The following APBA2 variants were observed in gnomAD, a reference collection of about 807,000 sequenced individuals.
APBA2 encodes amyloid beta precursor protein binding family A member 2.
Under a neutral mutation model 75.0 loss-of-function variants are expected in APBA2, and 30 were observed. The ratio of observed to expected loss-of-function variants is 0.40; its 90% CI spans 0.30 to 0.54. APBA2 has a LOEUF of 0.54. Among genes scored for constraint, APBA2 ranks in the 20% least tolerant of loss-of-function variants. The pLI, the probability that APBA2 is intolerant of heterozygous loss-of-function variation, is 0.49. For missense variants in APBA2, 801 were observed against 1,016.1 expected (o/e 0.79, Z 2.88); for synonymous variants, 444 against 409.6 (o/e 1.08, Z -1.01).
At chr15:29,098,404 G>A (rs1055775747) in intron 8 of APBA2, 86 bp from the exon 9 acceptor site, 1 of 889,382 alleles carries the variant, frequency 1.1e-6, no homozygotes, top group Admixed American at 1.8e-5. Flanking sequence ...GATTAGGGAT[G>A]TTGAGCATTT....
intron 2 of APBA2, among the ~76,000 whole-genome samples, chr15:28,967,733 C>A (rs1000448135): frequency 3.3e-5 from 5 of 152,156 alleles, no homozygotes; most frequent in Non-Finnish European, 1.5e-5. Context: ...CCTCCGCGCC[C>A]GGCCCCTTTC....
intron 10 of APBA2, 41 bp from the exon 11 acceptor site, chr15:29,105,338 G>A: frequency 6.3e-7 from 1 of 1,595,608 alleles, no homozygotes; most frequent in Non-Finnish European, 8.5e-7. Context: ...CGGGGAGCCT[G>A]TGCCACGTGC....
chr15:28,954,412 C>T (rs2036054943), intron 2 of APBA2, among the ~76,000 whole-genome samples: 1 of 152,178 alleles, frequency 6.6e-6, no homozygotes, highest in Admixed American at 6.5e-5. Context: ...AAAACTCTAT[C>T]CTGCAAAATC....
chr15:28,953,204 C>T (rs865837806), intron 2 of APBA2, among the ~76,000 whole-genome samples: 1 of 152,160 alleles, frequency 6.6e-6, no homozygotes, highest in Non-Finnish European at 1.5e-5. Context: ...GAATCCTCCT[C>T]TCCTCCCGAG....
intron 3 of APBA2, among the ~76,000 whole-genome samples, chr15:29,040,624 G>A (rs991192926): frequency 2.0e-5 from 3 of 152,194 alleles, no homozygotes; most frequent in Non-Finnish European, 4.4e-5. Flanking sequence ...ATCCCCTAAC[G>A]AAGGGGAACC....
At chr15:29,060,728 A>G (rs149359064) in intron 4 of APBA2, among the ~76,000 whole-genome samples, 14 of 152,306 alleles carry the variant, frequency 9.2e-5, no homozygotes, top group African/African-American at 3.4e-4. Context: ...AAGTCAAGTA[A>G]AGATTGTTCA....
intron 3 of APBA2, among the ~76,000 whole-genome samples, chr15:29,047,174 CTT>C (rs2041377662): frequency 6.6e-6 from 1 of 152,348 alleles, no homozygotes; most frequent in East Asian, 1.9e-4. Flanking sequence ...CAGGCGGGCT[CTT>C]TGTCTTATAC....
intron 2 of APBA2, among the ~76,000 whole-genome samples, chr15:28,983,631 AC>A (rs1224801999): frequency 2.6e-5 from 4 of 152,152 alleles, no homozygotes; most frequent in Non-Finnish European, 5.9e-5. Flanking sequence ...CATGGGCCCC[AC>A]CCACCCACCT....
At chr15:28,979,734 C>T (rs1422766507) in intron 2 of APBA2, among the ~76,000 whole-genome samples, 9 of 152,136 alleles carry the variant, frequency 5.9e-5, no homozygotes, top group Non-Finnish European at 1.2e-4. Context: ...GTGAGATGGA[C>T]CTAGGGCTCT....
At chr15:29,025,352 G>A (rs760106799) in intron 3 of APBA2, among the ~76,000 whole-genome samples, 17 of 149,336 alleles carry the variant, frequency 1.1e-4, no homozygotes, top group Non-Finnish European at 2.1e-4. Context: ...TGCAGTCTCC[G>A]CCACCTGGGT....
At chr15:29,076,379 G>A (rs906338427) in intron 6 of APBA2, among the ~76,000 whole-genome samples, 1 of 151,696 alleles carries the variant, frequency 6.6e-6, no homozygotes, top group Admixed American at 6.6e-5. Flanking sequence ...AGATTGAGAT[G>A]TGTCTTTATA....
rs369850732 is a variant in APBA2, at chr15:29,088,226, G to A, written c.1070-4849G>A. On this transcript the variant is annotated intron_variant, in intron 6 of 14. Transcript: ENST00000683413. The stretch of plus-strand genomic sequence containing the variant: ...CCTTTCTAAGCCCCTTCTTTTCTTG[G>A]TACTTAGCAGAGCAGAGTCCTGGGG... Among the ~76,000 whole-genome samples, 17 of 152,220 alleles carry A rather than the reference G, an allele frequency of 1.1e-4. 1 individual carries two copies. The South Asian group carries it at 2.9e-3, about 26-fold the overall frequency.
At chr15:28,934,804 C>T (rs998164295) in intron 2 of APBA2, among the ~76,000 whole-genome samples, 3 of 152,188 alleles carry the variant, frequency 2.0e-5, no homozygotes, top group Non-Finnish European at 4.4e-5. Flanking sequence ...ATGGGCTGAG[C>T]GGATTTCTGC....
intron 2 of APBA2, among the ~76,000 whole-genome samples, chr15:28,965,222 A>G (rs1188935058): frequency 6.6e-6 from 1 of 152,124 alleles, no homozygotes; most frequent in East Asian, 1.9e-4. Flanking sequence ...CCATTAATTG[A>G]AAAGGCTGTC....
chr15:28,998,075 G>A (rs1269447282), intron 3 of APBA2, among the ~76,000 whole-genome samples: 3 of 152,168 alleles, frequency 2.0e-5, no homozygotes, highest in South Asian at 4.1e-4. Context: ...TGCTGCGAAT[G>A]GAATCATTCT....
At chr15:29,089,020 C>A (rs971744228) in intron 6 of APBA2, among the ~76,000 whole-genome samples, 1 of 152,202 alleles carries the variant, frequency 6.6e-6, no homozygotes, top group Non-Finnish European at 1.5e-5. Flanking sequence ...TAAACAGCAG[C>A]CACCCCCAAA....
intron 3 of APBA2, among the ~76,000 whole-genome samples, chr15:29,049,793 G>A (rs1268957365): frequency 3.9e-5 from 6 of 152,284 alleles, no homozygotes; most frequent in African/African-American, 1.2e-4. Context: ...TGAAAAGTGA[G>A]TTAGTGTTTT....
At chr15:29,091,191 C>T (rs1296486807) in intron 6 of APBA2, among the ~76,000 whole-genome samples, 1 of 152,162 alleles carries the variant, frequency 6.6e-6, no homozygotes, top group Non-Finnish European at 1.5e-5. Flanking sequence ...GGTTTATCGG[C>T]TCCAGGGCAA....
intron 3 of APBA2, among the ~76,000 whole-genome samples, chr15:29,047,268 C>T (rs1208897952): frequency 6.6e-6 from 1 of 152,176 alleles, no homozygotes; most frequent in Non-Finnish European, 1.5e-5. Flanking sequence ...CTGTGGGTCC[C>T]TTACCCTTTG....
Sources: gnomAD v4.1 joint callset for allele counts (sites outside exome capture counted in the v4.1 genomes callset) on GRCh38, gnomAD v4.1.1 for gene constraint, MANE v1.5 for transcripts, NCBI Gene and HGNC (gene_info 2026-07-23, HGNC 2026-07-21) for gene names.